Variants in KIAA1328 observed in about 807,000 individuals in gnomAD.
The protein encoded by KIAA1328 is protein hinderin.
In KIAA1328, 52 loss-of-function variants were observed where a neutral mutation model predicts 68.1. That is an observed-to-expected ratio of 0.76 (90% confidence interval 0.61 to 0.96). The LOEUF (loss-of-function observed/expected upper bound fraction) is 0.96. Ranked by LOEUF, KIAA1328 falls within the 40% of genes least tolerant of loss-of-function variation. KIAA1328 has a pLI of 0.00. For missense variants in KIAA1328, 641 were observed against 677.6 expected (o/e 0.95, Z 0.60); for synonymous variants, 232 against 239.4 (o/e 0.97, Z 0.28).
chr18:37,189,426 A>G (rs2059862857), intron 9 of KIAA1328, among the ~76,000 whole-genome samples: 1 of 152,256 alleles, frequency 6.6e-6, no homozygotes, highest in Admixed American at 6.5e-5. Flanking sequence ...GCCTGTATTC[A>G]GAATTTTTCA....
At chr18:36,992,483 T>C (rs916423377) in intron 6 of KIAA1328, among the ~76,000 whole-genome samples, 1 of 148,410 alleles carries the variant, frequency 6.7e-6, no homozygotes, top group Non-Finnish European at 1.5e-5. Context: ...TTTTGCTATA[T>C]GTGGCCTTTC....
At chr18:36,840,409 G>T (rs1286086790) in intron 3 of KIAA1328, among the ~76,000 whole-genome samples, 2 of 151,654 alleles carry the variant, frequency 1.3e-5, no homozygotes, top group African/African-American at 2.4e-5. Flanking sequence ...ACTAGAAATG[G>T]TGGTTTGCTT....
downstream of KIAA1328, among the ~76,000 whole-genome samples, chr18:37,228,603 G>A (rs553798407): frequency 1.0e-3 from 154 of 152,238 alleles, no homozygotes; most frequent in African/African-American, 3.5e-3. Context: ...TGGATCACCT[G>A]AGGTCAGGAG....
intron 5 of KIAA1328, among the ~76,000 whole-genome samples, chr18:36,891,178 C>T (rs1490202547): frequency 1.3e-5 from 2 of 152,148 alleles, no homozygotes; most frequent in African/African-American, 2.4e-5. Flanking sequence ...GAGCCCACGC[C>T]TCATACCACA....
chr18:37,068,191 A>C (rs1169324595), intron 7 of KIAA1328, among the ~76,000 whole-genome samples: 1 of 152,170 alleles, frequency 6.6e-6, no homozygotes, highest in Non-Finnish European at 1.5e-5. Flanking sequence ...CATTAAGTAA[A>C]AGCTTGAGAT....
intron 7 of KIAA1328, among the ~76,000 whole-genome samples, chr18:37,120,817 T>A (rs1399641605): frequency 2.6e-5 from 4 of 152,184 alleles, no homozygotes. Context: ...GATACTTTTT[T>A]AAAGCTCCAC....
chr18:37,071,347 A>G (rs2056527741), intron 7 of KIAA1328, among the ~76,000 whole-genome samples: 1 of 151,988 alleles, frequency 6.6e-6, no homozygotes, highest in Non-Finnish European at 1.5e-5. Context: ...TGCTGGGATT[A>G]CAGGCATAAG....
chr18:36,873,467 A>G (rs933250413), intron 4 of KIAA1328, among the ~76,000 whole-genome samples: 1 of 152,098 alleles, frequency 6.6e-6, no homozygotes, highest in Non-Finnish European at 1.5e-5. Flanking sequence ...AGTAGTCCCT[A>G]TCTTTTTGTA....
At chr18:37,193,543 A>G (rs920611321) in intron 9 of KIAA1328, 6 of 697,532 alleles carry the variant, frequency 8.6e-6, no homozygotes, top group Non-Finnish European at 1.6e-5. Flanking sequence ...TTAACAACCT[A>G]TTTAATCCTT....
At chr18:36,925,137 A>G (rs1234338697) in intron 5 of KIAA1328, 2 of 152,220 alleles carry the variant, frequency 1.3e-5, no homozygotes, top group African/African-American at 4.8e-5. Flanking sequence ...AGTATTTTGT[A>G]AACTCTGTAA....
intron 9 of KIAA1328, among the ~76,000 whole-genome samples, chr18:37,215,608 T>C (rs528073769): frequency 1.3e-5 from 2 of 152,290 alleles, no homozygotes; most frequent in East Asian, 3.9e-4. Flanking sequence ...TCTAAAATTC[T>C]CTTTTTTTGT....
intron 9 of KIAA1328, among the ~76,000 whole-genome samples, chr18:37,215,473 C>T (rs1438731933): frequency 6.6e-6 from 1 of 152,190 alleles, no homozygotes; most frequent in Non-Finnish European, 1.5e-5. Flanking sequence ...TATGTCGAAC[C>T]AGCCTTGCAT....
At chr18:36,971,195 G>A (rs574212904) in intron 6 of KIAA1328, among the ~76,000 whole-genome samples, 76 of 152,246 alleles carry the variant, frequency 5.0e-4, no homozygotes, top group Admixed American at 9.8e-4. Flanking sequence ...AAGCAATGGA[G>A]AAAGGATTCC....
intron 8 of KIAA1328, among the ~76,000 whole-genome samples, chr18:37,167,553 C>T (rs985515387): frequency 5.9e-5 from 9 of 152,076 alleles, no homozygotes; most frequent in Non-Finnish European, 1.0e-4. Flanking sequence ...CCCTCGCTGT[C>T]TGCATCGTTC....
intron 7 of KIAA1328, among the ~76,000 whole-genome samples, chr18:37,126,932 C>G (rs570324206): frequency 2.0e-5 from 3 of 152,210 alleles, no homozygotes; most frequent in African/African-American, 7.2e-5. Flanking sequence ...AAGGGAACTT[C>G]CTCAACTTGG....
At chr18:37,082,166 ATTTT>A (rs34106395) in intron 7 of KIAA1328, among the ~76,000 whole-genome samples, 4 of 100,420 alleles carry the variant, frequency 4.0e-5, no homozygotes, top group African/African-American at 1.7e-4. Context: ...TGCCCCAAGG[ATTTT>A]TTTTTTTTTT....
intron 4 of KIAA1328, among the ~76,000 whole-genome samples, chr18:36,867,101 C>T (rs1339390656): frequency 6.6e-6 from 1 of 152,014 alleles, no homozygotes; most frequent in East Asian, 1.9e-4. Flanking sequence ...AATGTGATCC[C>T]CAGCGTTGGA....
At chr18:37,037,767 C>T (rs890198881) in intron 6 of KIAA1328, among the ~76,000 whole-genome samples, 44 of 151,020 alleles carry the variant, frequency 2.9e-4, no homozygotes, top group African/African-American at 1.0e-3. Flanking sequence ...TCTACCTGGC[C>T]AGACCATGTT....
intron 5 of KIAA1328, among the ~76,000 whole-genome samples, chr18:36,927,652 T>A (rs2050167686): frequency 6.6e-6 from 1 of 151,798 alleles, no homozygotes; most frequent in Non-Finnish European, 1.5e-5. Flanking sequence ...ATTTGGGAGG[T>A]TGAGGTGGGA....
Sources: gnomAD v4.1 joint callset for allele counts (sites outside exome capture counted in the v4.1 genomes callset) on GRCh38, gnomAD v4.1.1 for gene constraint, MANE v1.5 for transcripts, NCBI Gene and HGNC (gene_info 2026-07-23, HGNC 2026-07-21) for gene names.